USH1C: variants seen among roughly 807,000 people sequenced by gnomAD.
USH1C encodes USH1 protein network component harmonin.
Under a neutral mutation model 119.3 loss-of-function variants are expected in USH1C, and 90 were observed. That is an observed-to-expected ratio of 0.75 (90% CI 0.64 to 0.90). The LOEUF is 0.90. USH1C is among the 40% of genes least tolerant of loss of function. USH1C has a pLI of 0.00. For synonymous variants in USH1C, 465 were observed against 443.3 expected (o/e 1.05, Z -0.62); for missense variants, 1,165 against 1,167.7 (o/e 1.00, Z 0.03).
intron 1 of USH1C, among the ~76,000 whole-genome samples, chr11:17,535,082 A>C (rs561163911): frequency 1.3e-5 from 2 of 152,244 alleles, no homozygotes; most frequent in East Asian, 3.9e-4. Flanking sequence ...TGGGCTGCCC[A>C]CACTGGGCTG....
At position 17,496,800 on chromosome 11, in the gene USH1C, A is replaced by T; in HGVS notation, c.2504T>A (p.Leu835His). 6.2e-7 allele frequency: 1 copy of T among 1,614,186 alleles called. No homozygotes were observed. The change falls in exon 25 of 27, where the codon CTT becomes CAT. Residue 835 changes from leucine (L) to histidine (H), a missense_variant. Transcript: ENST00000005226. ...AWNQGGDWIDLVVAVCPPKEY... is the reference protein window; with the variant it reads ...AWNQGGDWIDHVVAVCPPKEY... The stretch of plus-strand genomic sequence containing the variant: ...CTTTGGGGGGCAGACGGCAACCACA[A>T]GGTCGATCCAGTCCTGTGGGGAGAA...
chr11:17,502,137 G>A lies in USH1C; in HGVS notation c.2185-157C>T. 4.7e-6 allele frequency: 3 copies of A among 640,138 alleles called. No individual in the cohort carries two copies. In the South Asian group the frequency reaches 6.2e-5, roughly 13 times the overall value. The allele number at this position is 640,138 out of a possible 1,614,324, so 39.7% of individuals were successfully genotyped here. ...GGTACGGGATGCAGACAGGAGGCCG[G>A]CAGCCCTAGCAGCCAGGGCACCCCT... On this transcript the variant is annotated intron_variant, in intron 20 of 26. Coordinates refer to ENST00000005226, the MANE Select transcript of USH1C (RefSeq NM_153676.4).
intron 15 of USH1C, among the ~76,000 whole-genome samples, chr11:17,514,863 G>C (rs1031525924): frequency 4.7e-5 from 7 of 148,948 alleles, no homozygotes; most frequent in African/African-American, 1.3e-4. Flanking sequence ...GGAATAATTA[G>C]ATTAAGGAAT....
At chr11:17,507,603 T>C (rs936209154) in intron 18 of USH1C, among the ~76,000 whole-genome samples, 2 of 152,368 alleles carry the variant, frequency 1.3e-5, no homozygotes, top group Non-Finnish European at 2.9e-5. Flanking sequence ...TAACTTAGAA[T>C]GTGTCCATGT....
intron 14 of USH1C, among the ~76,000 whole-genome samples, chr11:17,518,184 G>A (rs536049871): frequency 2.2e-4 from 33 of 152,360 alleles, no homozygotes; most frequent in African/African-American, 7.2e-4. Flanking sequence ...AGGCTGTTAA[G>A]TTCTTTGGCT....
intron 1 of USH1C, among the ~76,000 whole-genome samples, chr11:17,543,959 G>A (rs760869806): frequency 2.0e-5 from 3 of 152,228 alleles, no homozygotes; most frequent in Non-Finnish European, 4.4e-5. Flanking sequence ...CACAAAGGGG[G>A]CACCTCAGAA....
chr11:17,498,555 A>G (rs187615497), intron 23 of USH1C, among the ~76,000 whole-genome samples: 30 of 152,256 alleles, frequency 2.0e-4, no homozygotes, highest in African/African-American at 7.2e-4. Context: ...ACAGACCTGC[A>G]TTTCCAGCAC....
At chr11:17,500,684 C>T (rs1218392481) in intron 23 of USH1C, among the ~76,000 whole-genome samples, 2 of 152,174 alleles carry the variant, frequency 1.3e-5, no homozygotes, top group Non-Finnish European at 2.9e-5. Context: ...CCTGGCCTCC[C>T]ATCTCCTCTT....
intron 15 of USH1C, among the ~76,000 whole-genome samples, chr11:17,513,915 A>G (rs1266377280): frequency 6.6e-6 from 1 of 152,260 alleles, no homozygotes; most frequent in East Asian, 1.9e-4. Flanking sequence ...TCTCATGCCC[A>G]AGAAAGTCAT....
chr11:17,508,260 C>A (rs1007743783), intron 18 of USH1C, among the ~76,000 whole-genome samples: 3 of 152,194 alleles, frequency 2.0e-5, no homozygotes, highest in Non-Finnish European at 4.4e-5. Flanking sequence ...GGCTCACGAC[C>A]CCAACCAGAG....
intron 1 of USH1C, chr11:17,533,884 C>T: frequency 5.2e-6 from 2 of 384,908 alleles, no homozygotes; most frequent in South Asian, 3.9e-5. Flanking sequence ...TGGGTTCTGT[C>T]CACTAGTCAG....
Position 17,531,466 on chromosome 11 carries a change from C to T in USH1C, c.181G>A (p.Ala61Thr). The T allele has an allele frequency of 1.9e-6, 3 of 1,614,096 alleles. No homozygotes were observed. The highest frequency in any genetic ancestry group is 1.7e-6 in the Non-Finnish European group (2 of 1,180,042). The change falls in exon 3 of 27, where the codon GCC becomes ACC. Residue 61 changes from alanine (A) to threonine (T), a missense_variant. Coordinates refer to ENST00000005226, the MANE Select transcript of USH1C (RefSeq NM_153676.4). This position sits in a 1 kb window ranked among gnomAD's most constrained non-coding sequence, Gnocchi z 4.2. ...TTCAGTGGGATCAGCGGCCGAATGGCATCAAACAGAGGCAGACGGCTGGGT... is the reference window on the plus strand; with the variant it reads ...TTCAGTGGGATCAGCGGCCGAATGGTATCAAACAGAGGCAGACGGCTGGGT... ...NEPSRLPLFD[A>T]IRPLIPLKHQ...
chr11:17,520,881 C>A lies in USH1C; in HGVS notation c.1199G>T (p.Arg400Leu). The change falls in exon 14 of 27, where the codon CGC (arginine) becomes CTC (leucine). Residue 400 changes from arginine to leucine, a missense_variant. By Grantham distance (102) the Arg-to-Leu change is moderately radical (BLOSUM62 -2). Coordinates refer to ENST00000005226, the MANE Select transcript of USH1C (RefSeq NM_153676.4). ...CTCATGAAACTTACACTTTGGCTTG[C>A]GAAGGGGTACTGGGTGTACCTCAGC... Reference protein sequence around the residue: ...ITAEVHPVPLRKPKSFGWFYR... With the variant: ...ITAEVHPVPLLKPKSFGWFYR... 1 of 1,614,138 alleles carries A rather than the reference C, an allele frequency of 6.2e-7. No individual in the cohort carries two copies. The highest frequency in any genetic ancestry group is 1.1e-5 in the South Asian group (1 of 91,084).
At chr11:17,537,276 G>C (rs1312170469) in intron 1 of USH1C, among the ~76,000 whole-genome samples, 1 of 152,210 alleles carries the variant, frequency 6.6e-6, no homozygotes, top group Non-Finnish European at 1.5e-5. Flanking sequence ...GTTTTGGGGA[G>C]CCCCTGCTCT....
intron 15 of USH1C, among the ~76,000 whole-genome samples, chr11:17,513,287 C>T (rs989490731): frequency 1.3e-5 from 2 of 152,158 alleles, no homozygotes; most frequent in East Asian, 1.9e-4. Flanking sequence ...ACAGCCCACA[C>T]CCTGGGCAAT....
Position 17,505,417 on chromosome 11 carries a change from G to T in USH1C, c.2133+413C>A, listed in dbSNP as rs942215993. The stretch of plus-strand genomic sequence containing the variant: ...GCATGAGGGTAAGTATTAAGTCCAG[G>T]CTCTGCCTGGGGAACCTGGTGCCCC... On this transcript the variant is annotated intron_variant, in intron 19 of 26. Transcript: ENST00000005226. Among the ~76,000 whole-genome samples the T allele has an allele frequency of 7.2e-5, 11 of 152,378 alleles. No homozygotes were observed. In the East Asian group the frequency reaches 1.9e-3, roughly 27 times the overall value.
chr11:17,539,808 T>C (rs1318802428), intron 1 of USH1C, among the ~76,000 whole-genome samples: 1 of 150,814 alleles, frequency 6.6e-6, no homozygotes, highest in Non-Finnish European at 1.5e-5. Flanking sequence ...CTTTCTTTTC[T>C]TTCTGTTTCT....
rs1849227014 is a variant in USH1C, at chr11:17,495,770, C to A, written c.2547-93G>T. ...GCTTCTCCTTTCACTGGGCTCCTGC[C>A]TCGGGTTCTGCCTAGCCCCTGGGTT... On this transcript the variant is annotated intron_variant, in intron 25 of 26. Transcript: ENST00000005226. The A allele has an allele frequency of 2.9e-6, 4 of 1,384,034 alleles. No individual in the cohort carries two copies. The South Asian group carries it at 3.5e-5, about 12-fold the overall frequency. 85.7% of individuals were successfully genotyped at this position (1,384,034 alleles called of 1,614,324 possible).
intron 23 of USH1C, among the ~76,000 whole-genome samples, chr11:17,499,928 G>T (rs1370698294): frequency 6.6e-6 from 1 of 152,164 alleles, no homozygotes; most frequent in African/African-American, 2.4e-5. Flanking sequence ...TCTGCTCATA[G>T]GGTCCCCCAC....
Sources: gnomAD v4.1 joint callset for allele counts (sites outside exome capture counted in the v4.1 genomes callset) on GRCh38, gnomAD v4.1.1 for gene constraint, Gnocchi (gnomAD v3.1) non-coding constraint, MANE v1.5 for transcripts, NCBI Gene and HGNC (gene_info 2026-07-23, HGNC 2026-07-21) for gene names.